PTGES2: variants seen among roughly 807,000 people sequenced by gnomAD.
PTGES2 encodes GATE-binding factor 1.
A neutral mutation model predicts 44.5 loss-of-function variants in PTGES2; 35 were observed. The ratio of observed to expected loss-of-function variants is 0.79; its 90% CI spans 0.60 to 1.04. The LOEUF is 1.04. PTGES2 is among the 50% of genes least tolerant of loss of function. PTGES2 has a pLI of 0.00. For synonymous variants in PTGES2, 221 were observed against 227.5 expected (o/e 0.97, Z 0.26); for missense variants, 517 against 521.4 (o/e 0.99, Z 0.08).
upstream of PTGES2, chr9:128,128,132 G>A (rs1390642316): frequency 2.2e-5 from 8 of 358,490 alleles, no homozygotes; most frequent in African/African-American, 4.5e-5. Context: ...CGCGACTTCC[G>A]GCCACTGAAA....
upstream of PTGES2, chr9:128,128,288 A>T (rs1042725269): frequency 4.4e-6 from 2 of 455,930 alleles, no homozygotes; most frequent in African/African-American, 4.0e-5. Flanking sequence ...GATTTCGCCC[A>T]CGCGAAGCGG....
At chr9:128,122,539 A>C in intron 5 of PTGES2, 60 bp from the exon 6 acceptor site, 1 of 1,451,984 alleles carries the variant, frequency 6.9e-7, no homozygotes, top group Non-Finnish European at 9.6e-7. Context: ...AGCAGGGAAG[A>C]GGGTCTCCTC....
Position 128,127,452 on chromosome 9 carries a change from C to G in PTGES2, c.266G>C (p.Arg89Pro). 7.2e-7 allele frequency: 1 copy of G among 1,387,092 alleles called. No individual in the cohort carries two copies. Among genetic ancestry groups the G allele is most frequent in the Non-Finnish European group, 9.4e-7 (1 of 1,065,704 alleles). The allele number at this position is 1,387,092 out of a possible 1,614,324, so 85.9% of individuals were successfully genotyped here. A position where few individuals can be genotyped will look rare whatever the true frequency, so the allele number is the denominator to read the frequency against. The part of the protein sequence containing the change: ...HLRAQDLHAE[R>P]SAAQLSLSSR... Reference sequence around the variant, plus strand: ...GCCAGGCCTTACCTGCGCGGCTGAGCGCTCTGCGTGGAGGTCCTGGGCGCG... The same window carrying G: ...GCCAGGCCTTACCTGCGCGGCTGAGGGCTCTGCGTGGAGGTCCTGGGCGCG... The change falls in exon 1 of 7, where the codon CGC (arginine) becomes CCC (proline). Residue 89 changes from arginine (R) to proline (P), a missense_variant. Transcript: ENST00000338961.
At position 128,123,219 on chromosome 9, in the gene PTGES2, G is replaced by A. The variant is rs990525654; in HGVS notation, c.687-85C>T. The stretch of plus-strand genomic sequence containing the variant: ...ATTCTCTAGAACATACCCACTGCAC[G>A]GGCGGGAAGCTGAAGCCTGAGCAGG... On this transcript the variant is annotated intron_variant, in intron 4 of 6. Coordinates refer to ENST00000338961, the MANE Select transcript of PTGES2 (RefSeq NM_025072.7). The surrounding 1 kb of genome is among the most constrained non-coding windows in gnomAD (Gnocchi z 4.4). 27 of 1,320,350 alleles carry A rather than the reference G, an allele frequency of 2.0e-5. No individual in the cohort carries two copies. The highest frequency in any genetic ancestry group is 1.3e-4 in the African/African-American group (9 of 68,412). The allele number at this position is 1,320,350 out of a possible 1,614,324, so 81.8% of individuals were successfully genotyped here. A position where few individuals can be genotyped will look rare whatever the true frequency, so the allele number is the denominator to read the frequency against.
At chr9:128,125,514 TC>T in intron 1 of PTGES2, 73 bp from the exon 2 acceptor site, 1 of 1,369,612 alleles carries the variant, frequency 7.3e-7, no homozygotes, top group Non-Finnish European at 1.0e-6. Context: ...AAGGGTGTTT[TC>T]CAGAGGAGTC....
chr9:128,122,483 G>C lies in PTGES2; in HGVS notation c.888-4C>G, dbSNP rs1190460030. 3 of 1,612,814 alleles carry C rather than the reference G, an allele frequency of 1.9e-6. No homozygotes were observed. Among genetic ancestry groups the C allele is most frequent in the Non-Finnish European group, 2.5e-6 (3 of 1,179,016 alleles). On this transcript the variant is annotated splice_polypyrimidine_tract_variant and splice_region_variant and intron_variant, in intron 5 of 6. Transcript: ENST00000338961. The stretch of plus-strand genomic sequence containing the variant: ...CACGTTGTCCTGGAGGCGGTGCCTG[G>C]GCGGGGAAGGGAAAAGCCCCTCAGG...
Position 128,127,718 on chromosome 9 carries a change from G to C in PTGES2, c.-1C>G. The C allele has an allele frequency of 1.6e-6, 2 of 1,262,022 alleles. No individual in the cohort carries two copies. The highest frequency in any genetic ancestry group is 2.0e-6 in the Non-Finnish European group (2 of 1,004,572). The allele number at this position is 1,262,022 out of a possible 1,614,324, so 78.2% of individuals were successfully genotyped here. Reference sequence around the variant, plus strand: ...GCACCACCCGCGCAGCCGGGTCCATGTTCGCTCCGCCGGCGCCGCGGGCGG... The same window carrying C: ...GCACCACCCGCGCAGCCGGGTCCATCTTCGCTCCGCCGGCGCCGCGGGCGG... On this transcript the variant is annotated 5_prime_UTR_variant, in exon 1 of 7. Transcript: ENST00000338961.
intron 1 of PTGES2, 111 bp downstream of exon 1, chr9:128,127,328 A>G (rs1264869908): frequency 8.1e-6 from 8 of 993,148 alleles, no homozygotes; most frequent in Non-Finnish European, 1.0e-5. Context: ...AGACCAAGTC[A>G]CTCGCCCAAG....
Position 128,121,136 on chromosome 9 carries a change from CG to C in PTGES2, c.*8del. The stretch of plus-strand genomic sequence containing the variant: ...TCCGCTGCCTTCCCTCTGCTCTGCG[CG>C]GGGACATTCAGTGCGCTGGGGAGGC... On this transcript the variant is annotated 3_prime_UTR_variant, in exon 7 of 7. Coordinates refer to ENST00000338961, the MANE Select transcript of PTGES2 (RefSeq NM_025072.7). The C allele has an allele frequency of 6.3e-7, 1 of 1,578,904 alleles. No individual in the cohort carries two copies. The highest frequency in any genetic ancestry group is 1.2e-5 in the South Asian group (1 of 86,304).
At chr9:128,122,658 G>C in intron 5 of PTGES2, 179 bp from the exon 6 acceptor site, 1 of 640,244 alleles carries the variant, frequency 1.6e-6, no homozygotes, top group Non-Finnish European at 2.7e-6. Flanking sequence ...TGTGGTAAAG[G>C]CAAGAGACCA....
At chr9:128,127,392 G>A in intron 1 of PTGES2, 47 bp downstream of exon 1, 1 of 1,322,626 alleles carries the variant, frequency 7.6e-7, no homozygotes, top group Middle Eastern at 2.0e-4. Flanking sequence ...GGAGTCCCGA[G>A]TTCGGCGCTG....
intron 3 of PTGES2, 58 bp downstream of exon 3, chr9:128,124,434 C>T: frequency 1.3e-6 from 2 of 1,526,436 alleles, no homozygotes; most frequent in Non-Finnish European, 9.1e-7. Flanking sequence ...TCAGGGGAGG[C>T]CTCCCTGGAG....
intron 1 of PTGES2, among the ~76,000 whole-genome samples, chr9:128,126,768 G>C (rs1309381484): frequency 1.3e-5 from 2 of 151,906 alleles, no homozygotes; most frequent in African/African-American, 4.8e-5. Context: ...GCTGAGGCAG[G>C]AGAATTGCTT....
chr9:128,127,419 C>A lies in PTGES2; in HGVS notation c.279+20G>T. 7.5e-7 allele frequency: 1 copy of A among 1,341,578 alleles called. No individual in the cohort carries two copies. The highest frequency in any genetic ancestry group is 2.1e-5 in the South Asian group (1 of 47,812). 83.1% of individuals were successfully genotyped at this position (1,341,578 alleles called of 1,614,324 possible). A position where few individuals can be genotyped will look rare whatever the true frequency, so the allele number is the denominator to read the frequency against. ...TCGGCGCTGATCAGCATCCCCATCC[C>A]CGGCCGGGCCAGGCCTTACCTGCGC... On this transcript the variant is annotated intron_variant, in intron 1 of 6. Coordinates refer to ENST00000338961, the MANE Select transcript of PTGES2 (RefSeq NM_025072.7).
upstream of PTGES2, chr9:128,128,176 T>G (rs1268143691): frequency 2.2e-5 from 4 of 181,230 alleles, no homozygotes; most frequent in South Asian, 6.0e-5. Flanking sequence ...CACCAGGTGT[T>G]GCGGTTCTCT....
In PTGES2 at chr9:128,122,820, C is replaced by A. The variant is rs1396610361; in HGVS notation, c.887+114G>T. ...CCCATAATCCATAATGCGTTTCCCA[C>A]CTGCCCTAGGCCTCGGCCTCCCGCT... On this transcript the variant is annotated intron_variant, in intron 5 of 6. Transcript: ENST00000338961. 2.7e-6 allele frequency: 3 copies of A among 1,131,148 alleles called. No individual in the cohort carries two copies. The African/African-American group carries it at 4.6e-5, about 17-fold the overall frequency. The allele number at this position is 1,131,148 out of a possible 1,614,324, so 70.1% of individuals were successfully genotyped here. A position where few individuals can be genotyped will look rare whatever the true frequency, so the allele number is the denominator to read the frequency against.
In PTGES2 at chr9:128,120,798, A is replaced by G. The variant is rs907384001; in HGVS notation, c.*347T>C. ...GAGTGGGAACCAGGGGAACCCAGGGATGGGATTCCACTGAAAACAAACCGT... is the reference window on the plus strand; with the variant it reads ...GAGTGGGAACCAGGGGAACCCAGGGGTGGGATTCCACTGAAAACAAACCGT... On this transcript the variant is annotated 3_prime_UTR_variant, in exon 7 of 7. Coordinates refer to ENST00000338961, the MANE Select transcript of PTGES2 (RefSeq NM_025072.7). The G allele has an allele frequency of 4.0e-6, 1 of 251,072 alleles. No homozygotes were observed. The highest frequency in any genetic ancestry group is 2.3e-5 in the African/African-American group (1 of 44,336). 15.6% of individuals were successfully genotyped at this position (251,072 alleles called of 1,614,324 possible).
At chr9:128,125,631 C>T (rs996724097) in intron 1 of PTGES2, among the ~76,000 whole-genome samples, 190 bp from the exon 2 acceptor site, 1 of 152,132 alleles carries the variant, frequency 6.6e-6, no homozygotes, top group Non-Finnish European at 1.5e-5. Flanking sequence ...CCCTGGCCAG[C>T]ACGGTCCCCA....
chr9:128,121,381 G>T, intron 6 of PTGES2, 108 bp from the exon 7 acceptor site: 1 of 1,401,236 alleles, frequency 7.1e-7, no homozygotes, highest in Non-Finnish European at 9.6e-7. Flanking sequence ...CCCCCTTGGA[G>T]CTCGTGACCC....
Sources: allele counts gnomAD v4.1 joint callset (sites outside exome capture counted in the v4.1 genomes callset), GRCh38; gene constraint gnomAD v4.1.1; non-coding constraint Gnocchi (gnomAD v3.1); transcripts MANE v1.5; gene names NCBI Gene and HGNC (gene_info 2026-07-23, HGNC 2026-07-21).